Variants in FRK observed in about 807,000 individuals in gnomAD.
FRK encodes the protein tyrosine-protein kinase FRK.
In FRK, 51 loss-of-function variants were observed where a neutral mutation model predicts 56.4. The ratio of observed to expected loss-of-function variants is 0.90; its 90% confidence interval spans 0.72 to 1.14. The LOEUF (loss-of-function observed/expected upper bound fraction) is 1.14. FRK is among the 50% of genes most tolerant of loss of function. FRK has a pLI of 0.00. For synonymous variants in FRK, 245 were observed against 217.9 expected, an observed-to-expected ratio of 1.12 and a Z score of -1.10; for missense variants, 570 against 601.4, an observed-to-expected ratio of 0.95 and a Z score of 0.55.
rs879900825 is a variant in FRK at position 115,993,308 on chromosome 6, TAAGA to T, written c.466+10565_466+10568del. 2.1e-4 allele frequency among the ~76,000 whole-genome samples: 32 copies of T among 151,924 alleles called. No individual in the cohort carries two copies. The South Asian group carries it at 3.3e-3, about 16-fold the overall frequency. Reference sequence around the variant, plus strand: ...CTTTTTAAATAAGTTATGAGAAAAATAAGAAAGATTTTATATGTTTTTATTGAGT... The same window carrying T: ...CTTTTTAAATAAGTTATGAGAAAAATAAGATTTTATATGTTTTTATTGAGT... On this transcript the variant is annotated intron_variant, in intron 2 of 7. Transcript: ENST00000606080.
At chr6:116,031,471 GA>G (rs1370118900) in intron 1 of FRK, among the ~76,000 whole-genome samples, 2 of 152,148 alleles carry the variant, frequency 1.3e-5, no homozygotes, top group Non-Finnish European at 2.9e-5. Context: ...TAATGGTTGA[GA>G]AGAGATGTAA....
chr6:115,952,463 C>T lies in FRK; in HGVS notation c.958+3989G>A, dbSNP rs542807622. On this transcript the variant is annotated intron_variant, in intron 5 of 7. Coordinates refer to ENST00000606080, the MANE Select transcript of FRK (RefSeq NM_002031.3). ...ATGTGGAGAAATAGGAACACTTTTA[C>T]ACTCTTGGTGGGACTGTAAACTAGT... Among the ~76,000 whole-genome samples the T allele has an allele frequency of 9.2e-5, 14 of 152,212 alleles. No individual in the cohort carries two copies. The East Asian group carries it at 2.3e-3, about 25-fold the overall frequency.
chr6:115,944,508 G>A (rs1009005945), intron 5 of FRK, 83 bp from the exon 6 acceptor site: 42 of 1,061,220 alleles, frequency 4.0e-5, no homozygotes, highest in Non-Finnish European at 5.6e-5. Flanking sequence ...TTGAATGTAT[G>A]AGCTATCAGT....
At chr6:115,969,546 C>T (rs1319620884) in intron 2 of FRK, among the ~76,000 whole-genome samples, 1 of 152,162 alleles carries the variant, frequency 6.6e-6, no homozygotes, top group Non-Finnish European at 1.5e-5. Context: ...TCTCTGAAAG[C>T]GTGTGGTCCA....
intron 1 of FRK, among the ~76,000 whole-genome samples, chr6:116,023,732 C>A (rs929280761): frequency 1.3e-5 from 2 of 151,954 alleles, no homozygotes; most frequent in Non-Finnish European, 1.5e-5. Context: ...GAGGTTTAGG[C>A]GTTCGAAGCC....
At chr6:116,004,075 G>T in intron 1 of FRK, 77 bp from the exon 2 acceptor site, 1 of 1,282,686 alleles carries the variant, frequency 7.8e-7, no homozygotes, top group Non-Finnish European at 1.1e-6. Flanking sequence ...TGGCAAGATA[G>T]TATTCTAATA....
In FRK at chr6:116,060,046, C is replaced by A. The variant is rs767853111; in HGVS notation, c.266G>T (p.Arg89Leu). The change falls in exon 1 of 8, where the codon CGA becomes CTA. Residue 89 changes from arginine to leucine, a missense_variant. By Grantham distance (102) the Arg-to-Leu change is moderately radical. Transcript: ENST00000606080. ...WWFARHLEKR[R>L]DGSSQQLQGY... ...TTGTAGTTGCTGACTGGAGCCATCT[C>A]GTCTTTTCTCCAAGTGTCTGGCAAA... is the stretch of plus-strand genomic sequence containing the variant. The A allele has an allele frequency of 8.1e-6, 13 of 1,614,032 alleles. No homozygotes were observed. The highest frequency in any genetic ancestry group is 1.3e-5 in the African/African-American group (1 of 74,908).
At chr6:115,997,362 G>A (rs183211459) in intron 2 of FRK, among the ~76,000 whole-genome samples, 1 of 151,658 alleles carries the variant, frequency 6.6e-6, no homozygotes, top group East Asian at 1.9e-4. Flanking sequence ...TACTCCATGG[G>A]AACTCCAAGT....
Position 116,009,098 on chromosome 6 carries a change from C to T in FRK, c.345-5100G>A, listed in dbSNP as rs373868733. Reference sequence around the variant, plus strand: ...AAAAAACAGAAGTGAGAGACAGAAACAGCCGGACTGGTTACAGCTTGATGT... The same window carrying T: ...AAAAAACAGAAGTGAGAGACAGAAATAGCCGGACTGGTTACAGCTTGATGT... On this transcript the variant is annotated intron_variant, in intron 1 of 7. Transcript: ENST00000606080. 2.8e-4 allele frequency among the ~76,000 whole-genome samples: 42 copies of T among 152,240 alleles called. 2 individuals are homozygous for T. The South Asian group carries it at 8.7e-3, about 32-fold the overall frequency.
intron 1 of FRK, among the ~76,000 whole-genome samples, chr6:116,030,963 T>C (rs1273535461): frequency 6.6e-6 from 1 of 152,074 alleles, no homozygotes; most frequent in African/African-American, 2.4e-5. Context: ...ACAAACATAT[T>C]TGGCAATAAG....
chr6:116,066,221 C>T, the FRK span, among the ~76,000 whole-genome samples: 1 of 152,078 alleles, frequency 6.6e-6, no homozygotes, highest in Non-Finnish European at 1.5e-5. Context: ...AAAAAGCAGG[C>T]AGAAAAACAT....
chr6:116,094,786 G>T, the FRK span, among the ~76,000 whole-genome samples: 1 of 151,994 alleles, frequency 6.6e-6, no homozygotes, highest in Non-Finnish European at 1.5e-5. Flanking sequence ...GAAGAGAGGG[G>T]AAGAGACAGA....
At position 115,975,859 on chromosome 6, in the gene FRK, C is replaced by T. The variant is rs376253179; in HGVS notation, c.467-7120G>A. 2.4e-3 allele frequency among the ~76,000 whole-genome samples: 363 copies of T among 152,102 alleles called. 1 individual carries two copies. Among genetic ancestry groups the T allele is most frequent in the Non-Finnish European group, 4.0e-3 (275 of 67,996 alleles). The stretch of plus-strand genomic sequence containing the variant: ...AACTGATGAATCTAGCAGAACATGT[C>T]GAAGAATTAGGACATATTGTGGAGA... On this transcript the variant is annotated intron_variant, in intron 2 of 7. Transcript: ENST00000606080.
intron 2 of FRK, among the ~76,000 whole-genome samples, chr6:115,981,487 T>C (rs1198988096): frequency 6.6e-6 from 1 of 152,044 alleles, no homozygotes; most frequent in African/African-American, 2.4e-5. Context: ...GGTAAGAACT[T>C]ATTATTTTCT....
intron 1 of FRK, among the ~76,000 whole-genome samples, chr6:116,013,284 G>A (rs528329355): frequency 6.6e-6 from 1 of 152,174 alleles, no homozygotes; most frequent in South Asian, 2.1e-4. Context: ...ATACAACAAA[G>A]TTCATATAAA....
chr6:116,065,875 G>A (rs535698288), upstream of FRK, among the ~76,000 whole-genome samples: 7 of 152,258 alleles, frequency 4.6e-5, no homozygotes, highest in African/African-American at 1.7e-4. Context: ...TATATCTTAT[G>A]TAGTCTAATA....
chr6:116,031,225 A>G (rs1051338350), intron 1 of FRK, among the ~76,000 whole-genome samples: 1 of 152,158 alleles, frequency 6.6e-6, no homozygotes, highest in Non-Finnish European at 1.5e-5. Flanking sequence ...ACTTGGTAGC[A>G]CCTTAAAATG....
chr6:116,094,268 C>T, the FRK span, among the ~76,000 whole-genome samples: 2 of 152,216 alleles, frequency 1.3e-5, no homozygotes, highest in African/African-American at 4.8e-5. Flanking sequence ...AATAACAGGA[C>T]TGAGGGTGCC....
At chr6:116,030,242 G>A (rs1320538125) in intron 1 of FRK, among the ~76,000 whole-genome samples, 1 of 152,108 alleles carries the variant, frequency 6.6e-6, no homozygotes, top group Non-Finnish European at 1.5e-5. Flanking sequence ...AGGTAAGGGA[G>A]AGAGGATGAT....
Sources: gnomAD v4.1 joint callset for allele counts (sites outside exome capture counted in the v4.1 genomes callset) on GRCh38, gnomAD v4.1.1 for gene constraint, MANE v1.5 for transcripts, NCBI Gene and HGNC (gene_info 2026-07-23, HGNC 2026-07-21) for gene names.